DGKB: variants seen among roughly 807,000 people sequenced by gnomAD.
DGKB encodes diacylglycerol kinase beta.
Under a neutral mutation model 114.3 loss-of-function variants are expected in DGKB, and 67 were observed. The ratio of observed to expected loss-of-function variants is 0.59; its 90% CI spans 0.48 to 0.72. The LOEUF is 0.72. Ranked by LOEUF, DGKB falls within the 30% of genes least tolerant of loss-of-function variation. The probability of loss-of-function intolerance (pLI) is 0.00; values close to 1 mark genes in which losing one functional copy is unlikely to be tolerated. For missense variants in DGKB, 907 were observed against 975.2 expected (o/e 0.93, Z 0.93); for synonymous variants, 398 against 323.1 (o/e 1.23, Z -2.49).
At chr7:14,461,708 C>T (rs756511154) in intron 21 of DGKB, among the ~76,000 whole-genome samples, 5 of 152,078 alleles carry the variant, frequency 3.3e-5, no homozygotes, top group Non-Finnish European at 5.9e-5. Context: ...CCTTCTGAAA[C>T]TATTCCAGGT....
chr7:14,336,209 C>A (rs959233784), intron 23 of DGKB, among the ~76,000 whole-genome samples: 1 of 152,020 alleles, frequency 6.6e-6, no homozygotes, highest in Non-Finnish European at 1.5e-5. Flanking sequence ...AACTTAGAAG[C>A]ATTTTGAGAT....
At chr7:14,384,593 A>G (rs1820023833) in intron 21 of DGKB, among the ~76,000 whole-genome samples, 1 of 152,204 alleles carries the variant, frequency 6.6e-6, no homozygotes, top group African/African-American at 2.4e-5. Context: ...AACTCACCTG[A>G]AAAGTTGCTT....
In DGKB at chr7:14,541,464, T is replaced by A. The variant is rs73057459; in HGVS notation, c.1770+32748A>T. Among the ~76,000 whole-genome samples the A allele has an allele frequency of 2.4e-3, 359 of 152,278 alleles. 3 individuals are homozygous for A. Among genetic ancestry groups the A allele is most frequent in the Admixed American group, 6.0e-3 (92 of 15,278 alleles). On this transcript the variant is annotated intron_variant, in intron 20 of 25. Coordinates refer to ENST00000402815, the MANE Select transcript of DGKB (RefSeq NM_001350709.2). The stretch of plus-strand genomic sequence containing the variant: ...ACTGAGCCTATTGAGAATAAGCAAG[T>A]CATAAACAGATAAAATATCACTGAA...
chr7:14,390,901 T>C (rs1331960180), intron 21 of DGKB, among the ~76,000 whole-genome samples: 2 of 152,234 alleles, frequency 1.3e-5, no homozygotes, highest in Admixed American at 1.3e-4. Flanking sequence ...ATTATATTAA[T>C]GCCTAATATT....
Position 14,836,346 on chromosome 7 carries a change from C to A in DGKB, c.70+4848G>T, listed in dbSNP as rs1169407960. Among the ~76,000 whole-genome samples, 3 of 152,240 alleles carry A rather than the reference C, an allele frequency of 2.0e-5. No homozygotes were observed. In the East Asian group the frequency reaches 5.8e-4, roughly 29 times the overall value. The stretch of plus-strand genomic sequence containing the variant: ...ATTTATGAAAGTTTGGAAAGGTTCC[C>A]ACCATAATAACATAGTATTTTTCGA... On this transcript the variant is annotated intron_variant, in intron 2 of 25. Coordinates refer to ENST00000402815, the MANE Select transcript of DGKB (RefSeq NM_001350709.2).
chr7:14,673,075 C>A, intron 12 of DGKB, 48 bp from the exon 13 acceptor site: 2 of 1,045,980 alleles, frequency 1.9e-6, no homozygotes, highest in South Asian at 1.4e-5. Context: ...ATGACAACGC[C>A]TAACATGGGG....
chr7:14,369,217 A>T (rs1286709744), intron 21 of DGKB, among the ~76,000 whole-genome samples: 4 of 152,106 alleles, frequency 2.6e-5, no homozygotes, highest in Non-Finnish European at 1.5e-5. Flanking sequence ...GATGATTTCC[A>T]GCTTCATCCA....
Position 14,616,110 on chromosome 7 carries a change from G to C in DGKB, c.1285-2697C>G, listed in dbSNP as rs1038246202. 1.3e-4 allele frequency among the ~76,000 whole-genome samples: 19 copies of C among 150,372 alleles called. No homozygotes were observed. In the South Asian group the frequency reaches 3.3e-3, roughly 26 times the overall value. ...AACTTTTTCCCTCAACCACTTGAGAGTAAGTTGCCAAAATTCTACTCCATC... is the reference window on the plus strand; with the variant it reads ...AACTTTTTCCCTCAACCACTTGAGACTAAGTTGCCAAAATTCTACTCCATC... On this transcript the variant is annotated intron_variant, in intron 15 of 25. Transcript: ENST00000402815.
In DGKB at chr7:14,842,590, C is replaced by G. The variant is rs189255121; in HGVS notation, c.-187-1140G>C. On this transcript the variant is annotated intron_variant, in intron 1 of 25. Coordinates refer to ENST00000402815, the MANE Select transcript of DGKB (RefSeq NM_001350709.2). The stretch of plus-strand genomic sequence containing the variant: ...AATATGCAATGACAATTGTGGACAT[C>G]TTCCACCCAGTTTCCTTCTGCTGAT... Among the ~76,000 whole-genome samples the G allele has an allele frequency of 2.9e-4, 44 of 152,330 alleles. 1 individual carries two copies. The highest frequency in any genetic ancestry group is 2.1e-4 in the Non-Finnish European group (14 of 68,038).
At chr7:14,562,509 A>C (rs999055310) in intron 20 of DGKB, among the ~76,000 whole-genome samples, 1 of 152,160 alleles carries the variant, frequency 6.6e-6, no homozygotes, top group Non-Finnish European at 1.5e-5. Context: ...GCCAGGAGGG[A>C]AGATGTACCC....
intron 2 of DGKB, among the ~76,000 whole-genome samples, chr7:14,832,155 C>T (rs6461139): frequency 2.0e-5 from 3 of 152,002 alleles, no homozygotes; most frequent in Admixed American, 6.6e-5. Flanking sequence ...TTAATTACAC[C>T]GTTGAGAAAA....
chr7:14,925,874 C>T (rs561355376), intron 1 of DGKB, among the ~76,000 whole-genome samples: 32 of 148,296 alleles, frequency 2.2e-4, no homozygotes, highest in African/African-American at 7.3e-4. Flanking sequence ...GTCCCCCCCC[C>T]ACTTCCAGTA....
At chr7:14,799,753 G>T (rs2128044774) in intron 2 of DGKB, among the ~76,000 whole-genome samples, 1 of 152,264 alleles carries the variant, frequency 6.6e-6, no homozygotes, top group South Asian at 2.1e-4. Context: ...ATAACAGAAG[G>T]CTTTGCAGCA....
intron 23 of DGKB, among the ~76,000 whole-genome samples, chr7:14,280,619 G>A (rs1165918904): frequency 4.0e-5 from 6 of 151,164 alleles, no homozygotes. Context: ...AGAAAGGTCG[G>A]GTTCCCCTCA....
At chr7:14,509,348 T>G (rs544016610) in intron 20 of DGKB, among the ~76,000 whole-genome samples, 1 of 152,152 alleles carries the variant, frequency 6.6e-6, no homozygotes, top group South Asian at 2.1e-4. Flanking sequence ...CCTATTGCCT[T>G]CATGTCTTTA....
rs1369430414 is a variant in DGKB, at chr7:14,902,633, G to A, written c.-229C>T. On this transcript the variant is annotated 5_prime_UTR_variant, in exon 1 of 26. Coordinates refer to ENST00000402815, the MANE Select transcript of DGKB (RefSeq NM_001350709.2). ...CGAAAGCTGAGCGCATCTCTGAAGC[G>A]AGAGCCACTGCTTTTCCGGAGAGGA... The A allele has an allele frequency of 6.6e-6, 1 of 152,232 alleles. No homozygotes were observed. Among genetic ancestry groups the A allele is most frequent in the African/African-American group, 2.4e-5 (1 of 41,436 alleles). The allele number at this position is 152,232 out of a possible 1,614,324, so 9.4% of individuals were successfully genotyped here. A position where few individuals can be genotyped will look rare whatever the true frequency, so the allele number is the denominator to read the frequency against.
At chr7:14,822,784 A>G (rs953256339) in intron 2 of DGKB, among the ~76,000 whole-genome samples, 3 of 152,184 alleles carry the variant, frequency 2.0e-5, no homozygotes, top group African/African-American at 7.2e-5. Flanking sequence ...CTACGAAATA[A>G]CAGATCAAAG....
Position 14,151,466 on chromosome 7 carries a change from TTAAA to T in DGKB, c.2305-2232_2305-2229del, listed in dbSNP as rs57225664. Among the ~76,000 whole-genome samples, 1,229 of 149,202 alleles carry T rather than the reference TTAAA, an allele frequency of 8.2e-3. 17 individuals carry two copies. The highest frequency in any genetic ancestry group is 0.029 in the African/African-American group (1,174 of 40,212). On this transcript the variant is annotated intron_variant, in intron 25 of 25. Transcript: ENST00000402815. ...TGACTATTCTTATATTAAAAACTTT[TTAAA>T]AAAAAAAATTACATGATTTTATGCC... is the stretch of plus-strand genomic sequence containing the variant.
At chr7:14,530,008 CTG>C (rs2128589940) in intron 20 of DGKB, among the ~76,000 whole-genome samples, 1 of 151,750 alleles carries the variant, frequency 6.6e-6, no homozygotes, top group South Asian at 2.1e-4. Flanking sequence ...TCAAAATGGA[CTG>C]GAGTAGATTT....
Sources: gnomAD v4.1 joint callset for allele counts (sites outside exome capture counted in the v4.1 genomes callset) on GRCh38, gnomAD v4.1.1 for gene constraint, MANE v1.5 for transcripts, NCBI Gene and HGNC (gene_info 2026-07-23, HGNC 2026-07-21) for gene names.